The following CLN3 variants were observed in gnomAD, a reference collection of about 807,000 sequenced individuals.
CLN3 encodes the protein CLN3 lysosomal/endosomal transmembrane protein, battenin, also known as battenin.
A neutral mutation model predicts 60.7 loss-of-function variants in CLN3; 49 were observed. That is an observed-to-expected ratio of 0.81 (90% CI 0.64 to 1.02). CLN3 has a LOEUF of 1.02. CLN3 is among the 50% of genes least tolerant of loss of function. The probability of loss-of-function intolerance (pLI) is 0.00; values close to 1 mark genes in which losing one functional copy is unlikely to be tolerated. For missense variants in CLN3, 516 were observed against 557.4 expected (o/e 0.93, Z 0.75); for synonymous variants, 256 against 245.8 (o/e 1.04, Z -0.39).
chr16:28,472,150 C>G (rs557201285), downstream of CLN3, among the ~76,000 whole-genome samples: 5 of 152,318 alleles, frequency 3.3e-5, no homozygotes, highest in East Asian at 9.6e-4. Flanking sequence ...CAGTGGCCCA[C>G]GCCTGTAATC....
At chr16:28,488,450 C>A (rs2046258534) in intron 5 of CLN3, 141 bp downstream of exon 5, 1 of 705,374 alleles carries the variant, frequency 1.4e-6, no homozygotes, top group African/African-American at 1.8e-5. Flanking sequence ...GCTGGGATTA[C>A]AAGTGTGAGC....
At chr16:28,479,756 G>A (rs537372453) in intron 14 of CLN3, 5 of 209,484 alleles carry the variant, frequency 2.4e-5, no homozygotes, top group African/African-American at 4.7e-5. Context: ...GCAACAGAGC[G>A]AGACTCCATC....
intron 1 of CLN3, 63 bp downstream of exon 1, chr16:28,491,957 A>G (rs1454973431): frequency 1.5e-6 from 1 of 669,276 alleles, no homozygotes; most frequent in Non-Finnish European, 2.6e-6. Flanking sequence ...CCTACGACCC[A>G]CCACGCCCCA....
intron 3 of CLN3, among the ~76,000 whole-genome samples, chr16:28,489,668 T>C (rs887277227): frequency 6.6e-6 from 1 of 152,188 alleles, no homozygotes; most frequent in Admixed American, 6.5e-5. Context: ...GGAGGATTGC[T>C]TGAGTCCAGG....
At chr16:28,488,449 A>G (rs2046258488) in intron 5 of CLN3, 142 bp downstream of exon 5, 2 of 699,128 alleles carry the variant, frequency 2.9e-6, no homozygotes, top group South Asian at 3.6e-5. Context: ...TGCTGGGATT[A>G]CAAGTGTGAG....
In CLN3 at chr16:28,488,639, G is replaced by A; in HGVS notation, c.246C>T (p.Ile82=). ...QSHVDPGPTP[I]PHNSSSRFDC... ...CAAATCGTGATGAGCTGTTGTGGGG[G>A]ATCGGCGTTGGGCCTGGGTCCACCT... The change falls in exon 5 of 16, where the codon ATC becomes ATT. Residue 82 remains isoleucine (I), a synonymous_variant. Coordinates refer to ENST00000636147, the MANE Select transcript of CLN3 (RefSeq NM_001042432.2). 2 of 1,614,202 alleles carry A rather than the reference G, an allele frequency of 1.2e-6. No individual in the cohort carries two copies. The highest frequency in any genetic ancestry group is 1.7e-6 in the Non-Finnish European group (2 of 1,180,022).
chr16:28,481,341 T>C (rs985341431), intron 14 of CLN3, among the ~76,000 whole-genome samples: 1 of 151,314 alleles, frequency 6.6e-6, no homozygotes, highest in Non-Finnish European at 1.5e-5. Context: ...GCTCAAATGA[T>C]CCACCTGCCT....
chr16:28,486,368 A>C lies in CLN3; in HGVS notation c.656T>G (p.Ile219Ser). The change falls in exon 9 of 16, where the codon ATC becomes AGC. Residue 219 changes from isoleucine to serine, a missense_variant. Ile to Ser is a moderately radical substitution (Grantham distance 142). Coordinates refer to ENST00000636147, the MANE Select transcript of CLN3 (RefSeq NM_001042432.2). ...TCACCTGGCCAGCAGCAGGGCAGGG[A>C]TACCCAGCATGGACAGCAGGGTCTG... ...PQQTLLSMLGIPALLLASYFL... is the reference protein window; with the variant it reads ...PQQTLLSMLGSPALLLASYFL... The C allele has an allele frequency of 2.5e-6, 4 of 1,612,504 alleles. No individual in the cohort carries two copies. Among genetic ancestry groups the C allele is most frequent in the Non-Finnish European group, 3.4e-6 (4 of 1,179,998 alleles).
chr16:28,482,941 T>C (rs2046127518), intron 10 of CLN3, among the ~76,000 whole-genome samples: 1 of 151,774 alleles, frequency 6.6e-6, no homozygotes, highest in Non-Finnish European at 1.5e-5. Context: ...CCATCTCTAC[T>C]AAAAATACAA....
chr16:28,484,349 T>C (rs556710412), intron 9 of CLN3: 51 of 532,142 alleles, frequency 9.6e-5, no homozygotes, highest in Non-Finnish European at 1.6e-4. Context: ...GGCCTTCATT[T>C]TGTTTTGATT....
the CLN3 span, among the ~76,000 whole-genome samples, chr16:28,468,530 C>T: frequency 2.1e-5 from 3 of 143,398 alleles, no homozygotes; most frequent in Admixed American, 1.4e-4. Context: ...CAAGGTGGGC[C>T]GGGTGTGGTG....
At position 28,477,458 on chromosome 16, in the gene CLN3, T is replaced by G. The variant is rs142958639; in HGVS notation, c.*58A>C. 4.0e-5 allele frequency: 64 copies of G among 1,609,582 alleles called. No homozygotes were observed. The East Asian group carries it at 1.4e-3, about 35-fold the overall frequency. On this transcript the variant is annotated 3_prime_UTR_variant, in exon 16 of 16. Coordinates refer to ENST00000636147, the MANE Select transcript of CLN3 (RefSeq NM_001042432.2). ...AGGGTCTCTGGGGTGGGCCTGGGTGTCTGACCTGTCCCTCTGCCCACAGGT... is the reference window on the plus strand; with the variant it reads ...AGGGTCTCTGGGGTGGGCCTGGGTGGCTGACCTGTCCCTCTGCCCACAGGT...
intron 14 of CLN3, among the ~76,000 whole-genome samples, chr16:28,478,203 G>T (rs539148787): frequency 1.1e-4 from 16 of 151,608 alleles, no homozygotes; most frequent in African/African-American, 3.6e-4. Flanking sequence ...TACTTGGAAG[G>T]CTGAGGCAGG....
At chr16:28,484,553 T>G in intron 9 of CLN3, 1 of 223,798 alleles carries the variant, frequency 4.5e-6, no homozygotes, top group African/African-American at 2.3e-5. Context: ...TCTCGCTATG[T>G]TGCCCAGGCT....
chr16:28,477,987 C>T, intron 14 of CLN3, 110 bp from the exon 15 acceptor site: 1 of 1,267,106 alleles, frequency 7.9e-7, no homozygotes, highest in Non-Finnish European at 1.1e-6. Context: ...AAGGAGAGGG[C>T]TGCCAGGTCT....
rs781138637 is a variant in CLN3, at chr16:28,484,093, C to A, written c.703G>T (p.Glu235Ter). The A allele has an allele frequency of 6.2e-7, 1 of 1,611,710 alleles. No homozygotes were observed. Among genetic ancestry groups the A allele is most frequent in the Non-Finnish European group, 8.5e-7 (1 of 1,178,978 alleles). ...TCTTCCCCTCCAGGGTCCTGGGCCTCAGGAGATGTGAGCAACAAGAAATAG... is the reference window on the plus strand; with the variant it reads ...TCTTCCCCTCCAGGGTCCTGGGCCTAAGGAGATGTGAGCAACAAGAAATAG... ...ASYFLLLTSPEAQDPGGEEEA... is the reference protein window; with the variant it reads ...ASYFLLLTSP Residue 235 changes from glutamate (E) to a stop codon, truncating the protein, a stop_gained, in exon 10 of 16, where the codon GAG becomes TAG. Transcript: ENST00000636147. LOFTEE classifies it high-confidence loss of function.
downstream of CLN3, among the ~76,000 whole-genome samples, chr16:28,473,266 A>ATTTTTTC (rs1182542732): frequency 6.6e-6 from 1 of 151,700 alleles, no homozygotes; most frequent in East Asian, 1.9e-4. Flanking sequence ...TGCCAGGATA[A>ATTTTTTC]TTTTTTCTTT....
At chr16:28,484,506 G>A (rs146054817) in intron 9 of CLN3, 2 of 239,924 alleles carry the variant, frequency 8.3e-6, no homozygotes, top group African/African-American at 2.3e-5. Context: ...GTGCCACCAA[G>A]CCCGCCTCAT....
At chr16:28,488,750 G>A in intron 4 of CLN3, 88 bp from the exon 5 acceptor site, 3 of 1,326,292 alleles carry the variant, frequency 2.3e-6, no homozygotes, top group Non-Finnish European at 3.3e-6. Flanking sequence ...GCCTTCACTT[G>A]AAGGATGGCT....
Sources: allele counts gnomAD v4.1 joint callset (sites outside exome capture counted in the v4.1 genomes callset), GRCh38; gene constraint gnomAD v4.1.1; transcripts MANE v1.5; gene names NCBI Gene and HGNC (gene_info 2026-07-23, HGNC 2026-07-21).